Variants in RBFOX1 observed in about 807,000 individuals in gnomAD.
The protein encoded by RBFOX1 is RNA binding protein fox-1 homolog 1.
RBFOX1 carries 8 observed loss-of-function variants against 57.7 expected under a neutral mutation model. That is an observed-to-expected ratio of 0.14 (90% CI 0.08 to 0.25). The LOEUF (loss-of-function observed/expected upper bound fraction) is 0.25. Ranked by LOEUF, RBFOX1 falls within the 10% of genes least tolerant of loss-of-function variation. The pLI is 1.00. For missense variants in RBFOX1, 611 were observed against 548.5 expected, an observed-to-expected ratio of 1.11 and a Z score of -1.14; for synonymous variants, 326 against 222.4, an observed-to-expected ratio of 1.47 and a Z score of -4.15.
At position 6,355,017 on chromosome 16, in the gene RBFOX1, T is replaced by C. The variant is rs1013190002; in HGVS notation, c.-64+37960T>C. On this transcript the variant is annotated intron_variant, in intron 2 of 15. Transcript: ENST00000550418. ...TCTTCCTCTGACAGCCCAGAGGACA[T>C]AGGAGCCTGACTTCCCAGTAGCAAA... Among the ~76,000 whole-genome samples the C allele has an allele frequency of 2.6e-5, 4 of 152,300 alleles. No homozygotes were observed. The East Asian group carries it at 5.8e-4, about 22-fold the overall frequency.
intron 2 of RBFOX1, among the ~76,000 whole-genome samples, chr16:6,377,691 T>C (rs1596335223): frequency 6.6e-6 from 1 of 152,266 alleles, no homozygotes; most frequent in East Asian, 1.9e-4. Context: ...TCTACAGTGT[T>C]TTTAATATGT....
At chr16:6,766,110 T>C (rs1038427383) in intron 3 of RBFOX1, among the ~76,000 whole-genome samples, 1 of 151,750 alleles carries the variant, frequency 6.6e-6, no homozygotes, top group Non-Finnish European at 1.5e-5. Flanking sequence ...AACTAACCTG[T>C]AACCCTAAAG....
At chr16:6,123,367 C>T (rs1032011075) in intron 1 of RBFOX1, among the ~76,000 whole-genome samples, 3 of 152,116 alleles carry the variant, frequency 2.0e-5, no homozygotes, top group Non-Finnish European at 1.5e-5. Context: ...ATGGATGAAC[C>T]TTGCAAACAT....
chr16:5,845,114 G>A (rs1369658484), intron 3 of RBFOX1, among the ~76,000 whole-genome samples: 1 of 150,274 alleles, frequency 6.7e-6, no homozygotes, highest in Non-Finnish European at 1.5e-5. Flanking sequence ...AATTTCAGAG[G>A]CCTGTATTCC....
At chr16:7,194,743 T>C (rs7190466) in intron 4 of RBFOX1, among the ~76,000 whole-genome samples, 88,924 of 151,254 alleles carry the variant, frequency 0.59, 26,244 homozygotes, top group Middle Eastern at 0.63. Flanking sequence ...GCCTGGGGAA[T>C]ATAGTCAAAC....
chr16:7,598,643 G>A (rs1225908715), intron 9 of RBFOX1, among the ~76,000 whole-genome samples: 2 of 152,216 alleles, frequency 1.3e-5, no homozygotes, highest in East Asian at 3.9e-4. Flanking sequence ...GCGTATTCAT[G>A]CCTATATATG....
intron 1 of RBFOX1, among the ~76,000 whole-genome samples, chr16:5,305,726 A>G (rs547727257): frequency 6.6e-6 from 1 of 152,322 alleles, no homozygotes; most frequent in South Asian, 2.1e-4. Context: ...GTGGGCAGCC[A>G]TTTAAGGTTT....
chr16:6,585,743 G>GT (rs2097601606), intron 2 of RBFOX1, among the ~76,000 whole-genome samples: 1 of 151,960 alleles, frequency 6.6e-6, no homozygotes, highest in South Asian at 2.1e-4. Flanking sequence ...AAAAACAGGT[G>GT]TACCTTTGCT....
chr16:5,497,639 G>T (rs1471991684), intron 2 of RBFOX1, among the ~76,000 whole-genome samples: 1 of 87,914 alleles, frequency 1.1e-5, no homozygotes, highest in African/African-American at 2.0e-4. Flanking sequence ...AAAAAAAAAA[G>T]CTGGGCATGG....
At chr16:7,432,157 C>T (rs973673998) in intron 4 of RBFOX1, among the ~76,000 whole-genome samples, 1 of 152,194 alleles carries the variant, frequency 6.6e-6, no homozygotes, top group Admixed American at 6.5e-5. Flanking sequence ...AGCAGGGGTG[C>T]CTGCTGGCAC....
chr16:5,253,094 C>T (rs1373184090), intron 1 of RBFOX1, among the ~76,000 whole-genome samples: 7 of 152,128 alleles, frequency 4.6e-5, no homozygotes, highest in Non-Finnish European at 7.4e-5. Flanking sequence ...CCAGGCTCAG[C>T]TTTGGAAGAA....
intron 4 of RBFOX1, among the ~76,000 whole-genome samples, chr16:7,315,885 A>C (rs1230602397): frequency 6.6e-6 from 1 of 152,148 alleles, no homozygotes; most frequent in Non-Finnish European, 1.5e-5. Context: ...TACTTGGTTT[A>C]CATATATCTT....
chr16:6,398,864 G>A (rs1169471490), intron 2 of RBFOX1, among the ~76,000 whole-genome samples: 1 of 152,216 alleles, frequency 6.6e-6, no homozygotes, highest in Non-Finnish European at 1.5e-5. Flanking sequence ...AGCTTCACTA[G>A]GCGGTGCTCC....
chr16:6,693,048 CCACCATCATTAT>C (rs1340362456), intron 3 of RBFOX1, among the ~76,000 whole-genome samples: 1 of 151,656 alleles, frequency 6.6e-6, no homozygotes, highest in Non-Finnish European at 1.5e-5. Flanking sequence ...ACTACCATCA[CCACCATCATTAT>C]CACCATCATC....
At chr16:5,351,469 C>G (rs2065260973) in intron 1 of RBFOX1, among the ~76,000 whole-genome samples, 1 of 152,154 alleles carries the variant, frequency 6.6e-6, no homozygotes. Flanking sequence ...AGGTTTTTAA[C>G]CATATCATTG....
intron 4 of RBFOX1, among the ~76,000 whole-genome samples, chr16:7,445,640 G>T (rs138766208): frequency 2.0e-5 from 3 of 151,872 alleles, no homozygotes; most frequent in African/African-American, 7.3e-5. Flanking sequence ...TTTTCTTCTG[G>T]TCTCTTAGAA....
chr16:5,915,954 C>T lies in RBFOX1; in HGVS notation c.351+48619C>T, dbSNP rs558249683. ...TAATGGGGCTTAGAGTTATTCAGTG[C>T]ACTGCCCTATGAACTTCACACAGCT... On this transcript the variant is annotated intron_variant, in intron 4 of 19. Coordinates refer to the RBFOX1 transcript ENST00000641259. 4.1e-4 allele frequency among the ~76,000 whole-genome samples: 62 copies of T among 152,310 alleles called. No individual in the cohort carries two copies. In the South Asian group the frequency reaches 0.012, roughly 31 times the overall value.
chr16:7,488,461 AT>A lies in RBFOX1; in HGVS notation c.28-29685del, dbSNP rs571272028. 6.0e-4 allele frequency among the ~76,000 whole-genome samples: 91 copies of A among 152,160 alleles called. 1 individual carries two copies. Among genetic ancestry groups the A allele is most frequent in the African/African-American group, 2.1e-3 (88 of 41,514 alleles). On this transcript the variant is annotated intron_variant, in intron 4 of 15. Coordinates refer to ENST00000550418, the MANE Select transcript of RBFOX1 (RefSeq NM_018723.4). ...TCTTTCGTTGTTTGTCTATCATTCT[AT>A]CACTCTGTACATTCATACATTCATT...
chr16:5,709,881 A>G (rs1295609217), intron 3 of RBFOX1, among the ~76,000 whole-genome samples: 2 of 49,886 alleles, frequency 4.0e-5, no homozygotes, highest in Admixed American at 2.6e-4. Context: ...TTTTTTTACC[A>G]TTTCCTTTAT....
Sources: gnomAD v4.1 joint callset for allele counts (sites outside exome capture counted in the v4.1 genomes callset) on GRCh38, gnomAD v4.1.1 for gene constraint, MANE v1.5 for transcripts, NCBI Gene and HGNC (gene_info 2026-07-23, HGNC 2026-07-21) for gene names.